Variants in AIMP2 observed in about 807,000 individuals in gnomAD.
AIMP2 encodes aminoacyl tRNA synthase complex-interacting multifunctional protein 2.
A neutral mutation model predicts 23.4 loss-of-function variants in AIMP2; 20 were observed. The observed-to-expected ratio is 0.85, with a 90% CI of 0.60 to 1.24. The LOEUF (loss-of-function observed/expected upper bound fraction) is 1.24, where lower values mean the gene tolerates loss of function less well. Ranked by LOEUF, AIMP2 falls within the 50% of genes most tolerant of loss-of-function variation. The pLI, the probability that AIMP2 is intolerant of heterozygous loss-of-function variation, is 0.00. For synonymous variants in AIMP2, 210 were observed against 170.4 expected (o/e 1.23, Z -1.81); for missense variants, 515 against 414.5 (o/e 1.24, Z -2.10).
At chr7:6,014,129 G>C (rs1458717083) in intron 1 of AIMP2, among the ~76,000 whole-genome samples, 1 of 150,962 alleles carries the variant, frequency 6.6e-6, no homozygotes, top group African/African-American at 2.4e-5. Context: ...AGTTTGTTAA[G>C]AACAAAGAAC....
chr7:6,014,203 C>A (rs1304790326), intron 1 of AIMP2, among the ~76,000 whole-genome samples: 1 of 149,770 alleles, frequency 6.7e-6, no homozygotes, highest in Non-Finnish European at 1.5e-5. Context: ...AAATAGGAAC[C>A]ATACAATTTC....
At chr7:6,011,957 C>T (rs529098980) in intron 1 of AIMP2, among the ~76,000 whole-genome samples, 41 of 152,214 alleles carry the variant, frequency 2.7e-4, no homozygotes, top group Non-Finnish European at 5.3e-4. Context: ...AAATAATTAG[C>T]CATAAAACAT....
chr7:6,014,937 C>G, intron 1 of AIMP2: 1 of 1,113,686 alleles, frequency 9.0e-7, no homozygotes, highest in Non-Finnish European at 1.2e-6. Flanking sequence ...CCAGGCTGGT[C>G]TTGAACTCCT....
chr7:6,017,925 G>T lies in AIMP2; in HGVS notation c.454G>T (p.Val152Leu). Residue 152 changes from valine to leucine, a missense_variant, in exon 3 of 4, where the codon GTG (valine) becomes TTG (leucine). Physicochemically the swap from Val to Leu is conservative, Grantham distance 32. Transcript: ENST00000223029. ...LCEHFRVLST[V>L]HTHSSVKSVP... ...TGAGCACTTCAGGGTCCTGTCCACG[G>T]TGCACACGCACTCCTCGGTCAAGAG... The T allele has an allele frequency of 6.2e-7, 1 of 1,613,950 alleles. No individual in the cohort carries two copies. Among genetic ancestry groups the T allele is most frequent in the Non-Finnish European group, 8.5e-7 (1 of 1,180,012 alleles).
intron 3 of AIMP2, among the ~76,000 whole-genome samples, chr7:6,018,707 G>A (rs111872971): frequency 0.13 from 19,217 of 151,408 alleles, 1,368 homozygotes; most frequent in African/African-American, 0.19. Context: ...GGTAGCAGGC[G>A]CCTGTAATCC....
chr7:6,016,406 TG>T (rs1583454795), intron 2 of AIMP2, among the ~76,000 whole-genome samples: 1 of 152,208 alleles, frequency 6.6e-6, no homozygotes, highest in East Asian at 1.9e-4. Context: ...GCAAGCATTG[TG>T]GTGTCTCACC....
At chr7:6,018,651 T>C (rs138286972) in intron 3 of AIMP2, among the ~76,000 whole-genome samples, 19,211 of 151,248 alleles carry the variant, frequency 0.13, 1,370 homozygotes, top group African/African-American at 0.19. Context: ...CTGACCAACA[T>C]GGTGAAACCC....
At chr7:6,009,543 G>A in intron 1 of AIMP2, 45 bp downstream of exon 1, 1 of 1,385,680 alleles carries the variant, frequency 7.2e-7, no homozygotes, top group Non-Finnish European at 9.3e-7. Context: ...CGCGGCGACC[G>A]GCTGCTGGCC....
chr7:6,021,338 CAAAAAAAAAAAAAA>C (rs563523048), intron 3 of AIMP2, among the ~76,000 whole-genome samples: 1 of 65,956 alleles, frequency 1.5e-5, no homozygotes, highest in Admixed American at 2.0e-4. Flanking sequence ...GACTCCATCT[CAAAAAAAAAAAAAA>C]AAAAAAAGAG....
At chr7:6,022,661 G>A (rs74446866) in intron 3 of AIMP2, 3,264 of 152,186 alleles carry the variant, frequency 0.021, 121 homozygotes, top group African/African-American at 0.074. Flanking sequence ...AAAATTTAGG[G>A]TCTCTGAGTG....
intron 3 of AIMP2, among the ~76,000 whole-genome samples, chr7:6,021,691 A>C (rs879698662): frequency 4.6e-5 from 7 of 152,188 alleles, no homozygotes; most frequent in Non-Finnish European, 8.8e-5. Flanking sequence ...TTGAGGAAGA[A>C]GACCTAGGAG....
At position 6,009,941 on chromosome 7, in the gene AIMP2, C is replaced by T. The variant is rs1363298683; in HGVS notation, c.135+443C>T. ...TCGAGCCTGGGCAACAAGAGCTAAA[C>T]TCTATCTCAAAAAAAAAAAAAAAAA... On this transcript the variant is annotated intron_variant, in intron 1 of 3. Transcript: ENST00000223029. 2.0e-4 allele frequency among the ~76,000 whole-genome samples: 13 copies of T among 66,216 alleles called. No individual in the cohort carries two copies. In the East Asian group the frequency reaches 5.5e-3, roughly 28 times the overall value. The allele number at this position is 66,216 out of a possible 152,430, so 43.4% of individuals were successfully genotyped here. A position where few individuals can be genotyped will look rare whatever the true frequency, so the allele number is the denominator to read the frequency against.
rs149375843 is a variant in AIMP2, at chr7:6,015,462, C to T, written c.342+110C>T. On this transcript the variant is annotated intron_variant, in intron 2 of 3. Coordinates refer to ENST00000223029, the MANE Select transcript of AIMP2 (RefSeq NM_006303.4). ...CTTTCAGGCCGGGCGTGGTGGCTCA[C>T]GCCTGTAATTCCAGCACTTTGGGAA... is the stretch of plus-strand genomic sequence containing the variant. The T allele has an allele frequency of 2.3e-3, 2,711 of 1,192,596 alleles. 34 individuals carry two copies. The African/African-American group carries it at 0.024, about 11-fold the overall frequency. 73.9% of individuals were successfully genotyped at this position (1,192,596 alleles called of 1,614,324 possible).
At chr7:6,017,698 C>A in intron 2 of AIMP2, 116 bp from the exon 3 acceptor site, 1 of 857,470 alleles carries the variant, frequency 1.2e-6, no homozygotes. Context: ...CTAGTGCCGT[C>A]TTCATGGAAG....
At chr7:6,012,822 G>C in intron 1 of AIMP2, 1 of 1,022,286 alleles carries the variant, frequency 9.8e-7, no homozygotes, top group Non-Finnish European at 1.2e-6. Context: ...AAAGTGCTGA[G>C]ATTACAGGTA....
chr7:6,017,790 T>A lies in AIMP2; in HGVS notation c.343-24T>A, dbSNP rs1787112214. On this transcript the variant is annotated intron_variant, in intron 2 of 3. Transcript: ENST00000223029. ...GGCACTCTCCGATGACTGTTATTCG[T>A]ACATTGTCTTGGTCTTTCCCCAGGA... The A allele has an allele frequency of 3.1e-6, 5 of 1,600,314 alleles. No homozygotes were observed. In the South Asian group the frequency reaches 5.6e-5, roughly 18 times the overall value.
At chr7:6,011,341 C>G (rs960164101) in intron 1 of AIMP2, among the ~76,000 whole-genome samples, 1 of 152,132 alleles carries the variant, frequency 6.6e-6, no homozygotes, top group Admixed American at 6.6e-5. Context: ...GTGGGTGTAG[C>G]GTGGTATCCT....
intron 1 of AIMP2, among the ~76,000 whole-genome samples, chr7:6,014,473 G>A (rs1280850500): frequency 6.9e-6 from 1 of 145,748 alleles, no homozygotes; most frequent in Non-Finnish European, 1.5e-5. Flanking sequence ...GGCCAGGCTG[G>A]TCTCAAACTC....
chr7:6,020,037 A>G (rs1562730844), intron 3 of AIMP2, among the ~76,000 whole-genome samples: 2 of 151,170 alleles, frequency 1.3e-5, no homozygotes, highest in South Asian at 2.1e-4. Flanking sequence ...AAAAAAAAAA[A>G]GGGAAATTCA....
Sources: gnomAD v4.1 joint callset for allele counts (sites outside exome capture counted in the v4.1 genomes callset) on GRCh38, gnomAD v4.1.1 for gene constraint, MANE v1.5 for transcripts, NCBI Gene and HGNC (gene_info 2026-07-23, HGNC 2026-07-21) for gene names.